COL4A2: variants seen among roughly 807,000 people sequenced by gnomAD.
COL4A2 encodes collagen type IV alpha 2 chain.
Under a neutral mutation model 200.2 loss-of-function variants are expected in COL4A2, and 99 were observed. That is an observed-to-expected ratio of 0.49 (90% confidence interval 0.42 to 0.58). COL4A2 has a LOEUF of 0.58. COL4A2 is among the 20% of genes least tolerant of loss of function. The probability of loss-of-function intolerance (pLI) is 0.00; values close to 1 mark genes in which losing one functional copy is unlikely to be tolerated. For missense variants in COL4A2, 1,950 were observed against 2,314.1 expected, an observed-to-expected ratio of 0.84 and a Z score of 3.23; for synonymous variants, 897 against 900.6, an observed-to-expected ratio of 1.00 and a Z score of 0.07.
At chr13:110,373,889 C>T (rs1378050151) in intron 4 of COL4A2, among the ~76,000 whole-genome samples, 2 of 152,220 alleles carry the variant, frequency 1.3e-5, no homozygotes, top group Non-Finnish European at 2.9e-5. Flanking sequence ...TCTTTTTACC[C>T]CCTTTTGGAT....
intron 24 of COL4A2, among the ~76,000 whole-genome samples, chr13:110,464,063 T>C (rs1369846460): frequency 6.6e-6 from 1 of 152,032 alleles, no homozygotes; most frequent in Non-Finnish European, 1.5e-5. Context: ...GTATGTGTGG[T>C]GTGTGGTGTG....
chr13:110,381,790 G>GCACC (rs1269551680), intron 4 of COL4A2, among the ~76,000 whole-genome samples: 1 of 152,160 alleles, frequency 6.6e-6, no homozygotes, highest in African/African-American at 2.4e-5. Context: ...ACACAGCCAA[G>GCACC]CACCCAACGC....
intron 3 of COL4A2, among the ~76,000 whole-genome samples, chr13:110,351,392 G>A (rs891482943): frequency 8.5e-5 from 13 of 152,100 alleles, no homozygotes; most frequent in African/African-American, 3.1e-4. Flanking sequence ...CTGCTTCTTT[G>A]CTGCCTGTGG....
At chr13:110,358,644 C>T (rs985850121) in intron 4 of COL4A2, among the ~76,000 whole-genome samples, 2 of 152,170 alleles carry the variant, frequency 1.3e-5, no homozygotes, top group African/African-American at 4.8e-5. Context: ...TGGGCAGATC[C>T]GGTGTCATCT....
chr13:110,449,601 G>A (rs1043882831), intron 18 of COL4A2, 78 bp from the exon 19 acceptor site: 1 of 1,349,804 alleles, frequency 7.4e-7, no homozygotes, highest in Non-Finnish European at 1.0e-6. Flanking sequence ...TAAATATGTA[G>A]TCAATGAAAA....
chr13:110,438,120 C>T (rs375893290), intron 14 of COL4A2, 83 bp downstream of exon 14: 193 of 1,138,078 alleles, frequency 1.7e-4, no homozygotes, highest in East Asian at 7.5e-4. Context: ...GTGCACCATG[C>T]GCTCGGGGCC....
At chr13:110,325,568 TG>T (rs10712822) in intron 3 of COL4A2, among the ~76,000 whole-genome samples, 13,144 of 152,270 alleles carry the variant, frequency 0.086, 730 homozygotes, top group African/African-American at 0.16. Context: ...TAAAGGACGC[TG>T]GGCTTGAACA....
At chr13:110,331,516 G>A (rs546312198) in intron 3 of COL4A2, among the ~76,000 whole-genome samples, 3 of 152,254 alleles carry the variant, frequency 2.0e-5, no homozygotes, top group East Asian at 1.9e-4. Context: ...TGACTTCCAC[G>A]GTGCTGAGAG....
At chr13:110,327,236 A>G (rs1276310620) in intron 3 of COL4A2, among the ~76,000 whole-genome samples, 1 of 152,132 alleles carries the variant, frequency 6.6e-6, no homozygotes, top group African/African-American at 2.4e-5. Context: ...CCACCCATGG[A>G]ATTTGGGCGT....
At chr13:110,366,320 A>G (rs1474471491) in intron 4 of COL4A2, among the ~76,000 whole-genome samples, 2 of 152,196 alleles carry the variant, frequency 1.3e-5, no homozygotes, top group African/African-American at 4.8e-5. Flanking sequence ...AGAATGTCTG[A>G]AGCTATGCTA....
At chr13:110,349,754 T>A (rs1271734201) in intron 3 of COL4A2, among the ~76,000 whole-genome samples, 1 of 152,008 alleles carries the variant, frequency 6.6e-6, no homozygotes, top group East Asian at 1.9e-4. Flanking sequence ...AACAGATGGA[T>A]TTTCATATCT....
intron 40 of COL4A2, among the ~76,000 whole-genome samples, chr13:110,500,561 G>A (rs1434863219): frequency 7.2e-5 from 11 of 152,124 alleles, no homozygotes; most frequent in Non-Finnish European, 1.3e-4. Context: ...TCCTACTAGT[G>A]CCAAAGAGCT....
intron 4 of COL4A2, among the ~76,000 whole-genome samples, chr13:110,380,683 A>G (rs1434825579): frequency 2.0e-5 from 3 of 151,318 alleles, no homozygotes; most frequent in African/African-American, 7.3e-5. Context: ...TTTCACACCC[A>G]TGAGCTCTAT....
chr13:110,424,677 G>T, intron 4 of COL4A2, 57 bp from the exon 5 acceptor site: 2 of 1,224,218 alleles, frequency 1.6e-6, no homozygotes, highest in South Asian at 1.4e-5. Flanking sequence ...AACCGTAACT[G>T]ATCATGAGTA....
intron 16 of COL4A2, among the ~76,000 whole-genome samples, chr13:110,442,087 CAAAAAAAAAAAAAAAA>C (rs10530153): frequency 2.3e-4 from 11 of 47,638 alleles, no homozygotes; most frequent in East Asian, 2.1e-3. Flanking sequence ...CTCTCTGTCT[CAAAAAAAAAAAAAAAA>C]AAAAAAAAAA....
intron 27 of COL4A2, chr13:110,468,254 G>A: frequency 2.1e-6 from 1 of 471,670 alleles, no homozygotes; most frequent in Non-Finnish European, 4.4e-6. Context: ...CAGAGGTAAA[G>A]GCTCCTTGTG....
rs909040713 is a variant in COL4A2 at position 110,449,708 on chromosome 13, G to C, written c.1108G>C (p.Ala370Pro). The C allele has an allele frequency of 1.0e-5, 16 of 1,549,956 alleles. No individual in the cohort carries two copies. The highest frequency in any genetic ancestry group is 3.7e-4 in the Middle Eastern group (2 of 5,394). Residue 370 changes from alanine (A) to proline (P), a missense_variant, in exon 19 of 48, where the codon GCC becomes CCC. Coordinates refer to ENST00000360467, the MANE Select transcript of COL4A2 (RefSeq NM_001846.4). Reference sequence around the variant, plus strand: ...CAGAGGTGACCCGGGATTCCCAGGGGCCCAAGGGGAGCCAGGAAGCCAGGG... The same window carrying C: ...CAGAGGTGACCCGGGATTCCCAGGGCCCCAAGGGGAGCCAGGAAGCCAGGG... ...GARGDPGFPG[A>P]QGEPGSQGEP... is the part of the protein sequence containing the mutation.
intron 4 of COL4A2, among the ~76,000 whole-genome samples, chr13:110,377,787 AC>A (rs1204818864): frequency 3.3e-5 from 5 of 152,246 alleles, no homozygotes; most frequent in African/African-American, 1.2e-4. Context: ...TCATCTGAAT[AC>A]GTACTTTATA....
chr13:110,330,377 G>A (rs577124981), intron 3 of COL4A2, among the ~76,000 whole-genome samples: 5 of 152,206 alleles, frequency 3.3e-5, no homozygotes, highest in South Asian at 2.1e-4. Flanking sequence ...GTGGCGAGTC[G>A]GAATGAAGCT....
Sources: allele counts gnomAD v4.1 joint callset (sites outside exome capture counted in the v4.1 genomes callset), GRCh38; gene constraint gnomAD v4.1.1; transcripts MANE v1.5; gene names NCBI Gene and HGNC (gene_info 2026-07-23, HGNC 2026-07-21).